UNC13C: variants seen among roughly 807,000 people sequenced by gnomAD.
UNC13C encodes the protein protein unc-13 homolog C.
A neutral mutation model predicts 245.4 loss-of-function variants in UNC13C; 174 were observed. The ratio of observed to expected loss-of-function variants is 0.71; its 90% CI spans 0.63 to 0.80. The LOEUF is 0.80. UNC13C is among the 30% of genes least tolerant of loss of function. UNC13C has a pLI of 0.00. For missense variants in UNC13C, 2,829 were observed against 2,602.9 expected, an observed-to-expected ratio of 1.09 and a Z score of -1.89; for synonymous variants, 992 against 895.1, an observed-to-expected ratio of 1.11 and a Z score of -1.93.
rs573970705 is a variant in UNC13C at position 54,298,464 on chromosome 15, CCTGTTT to C, written c.4104+542_4104+547del. Among the ~76,000 whole-genome samples, 7 of 152,230 alleles carry C rather than the reference CCTGTTT, an allele frequency of 4.6e-5. No individual in the cohort carries two copies. In the South Asian group the frequency reaches 8.3e-4, roughly 18 times the overall value. ...ATGTAATAAGCAGTTAATTTTTCTT[CCTGTTT>C]CTGAGTACAACAAGCAGTTTCATAC... On this transcript the variant is annotated intron_variant, in intron 12 of 32. Transcript: ENST00000260323.
intron 21 of UNC13C, among the ~76,000 whole-genome samples, 174 bp from the exon 22 acceptor site, chr15:54,500,661 C>G (rs763294864): frequency 3.3e-5 from 5 of 152,102 alleles, no homozygotes; most frequent in Admixed American, 2.6e-4. Context: ...GATATTAGTT[C>G]CACCACACTT....
At chr15:54,381,459 T>G (rs2039723138) in intron 17 of UNC13C, among the ~76,000 whole-genome samples, 1 of 152,134 alleles carries the variant, frequency 6.6e-6, no homozygotes. Flanking sequence ...TTCATACAAA[T>G]TTTAGGATCG....
intron 4 of UNC13C, among the ~76,000 whole-genome samples, chr15:54,174,828 A>G (rs1170915204): frequency 6.6e-6 from 1 of 152,228 alleles, no homozygotes; most frequent in Non-Finnish European, 1.5e-5. Flanking sequence ...TGTACTGATT[A>G]AAGCAGGTAA....
chr15:54,089,518 T>TCTGTCATCGTATGTGC (rs1899441389), intron 2 of UNC13C, among the ~76,000 whole-genome samples: 1 of 152,140 alleles, frequency 6.6e-6, no homozygotes, highest in African/African-American at 2.4e-5. Context: ...TGAGTATGTG[T>TCTGTCATCGTATGTGC]CTGTCATCGT....
At chr15:54,192,014 A>T (rs1277232174) in intron 4 of UNC13C, among the ~76,000 whole-genome samples, 3 of 152,028 alleles carry the variant, frequency 2.0e-5, no homozygotes, top group Non-Finnish European at 4.4e-5. Context: ...ATCCACTCTG[A>T]TGAAGCTGTG....
intron 4 of UNC13C, among the ~76,000 whole-genome samples, chr15:54,171,917 T>C (rs547432610): frequency 6.6e-6 from 1 of 152,244 alleles, no homozygotes; most frequent in South Asian, 2.1e-4. Context: ...TGGAGTATTA[T>C]TGAGCCATGA....
intron 19 of UNC13C, among the ~76,000 whole-genome samples, chr15:54,444,862 A>C (rs2140995977): frequency 6.6e-6 from 1 of 152,066 alleles, no homozygotes; most frequent in African/African-American, 2.4e-5. Context: ...CATATGTACA[A>C]CGTGCAGGTT....
At chr15:53,860,633 G>A in the UNC13C span, among the ~76,000 whole-genome samples, 15 of 152,122 alleles carry the variant, frequency 9.9e-5, no homozygotes, top group Non-Finnish European at 2.2e-4. Context: ...AGGAGTCTTT[G>A]CCTCTCCAAG....
chr15:54,303,770 A>G (rs986830720), intron 13 of UNC13C, among the ~76,000 whole-genome samples: 4 of 152,024 alleles, frequency 2.6e-5, no homozygotes, highest in African/African-American at 7.2e-5. Flanking sequence ...TTAGGGAGAC[A>G]TGAGACATTA....
chr15:54,463,855 T>C (rs978288146), intron 19 of UNC13C, among the ~76,000 whole-genome samples: 1 of 152,008 alleles, frequency 6.6e-6, no homozygotes, highest in East Asian at 1.9e-4. Context: ...TTGTTGGTAA[T>C]GACATGACAG....
At chr15:54,106,817 T>C (rs1477673461) in intron 2 of UNC13C, among the ~76,000 whole-genome samples, 4 of 152,212 alleles carry the variant, frequency 2.6e-5, no homozygotes, top group South Asian at 4.1e-4. Flanking sequence ...GAACACTGAA[T>C]TGAAGGTGGC....
At chr15:54,238,208 GGGACTACAGGTGCTT>G (rs1168949664) in intron 7 of UNC13C, among the ~76,000 whole-genome samples, 2 of 150,944 alleles carry the variant, frequency 1.3e-5, no homozygotes, top group Admixed American at 6.6e-5. Flanking sequence ...CCTAGTAGCT[GGGACTACAGGTGCTT>G]GCCACCATGC....
At chr15:54,489,228 C>T (rs1172672825) in intron 19 of UNC13C, among the ~76,000 whole-genome samples, 1 of 151,966 alleles carries the variant, frequency 6.6e-6, no homozygotes, top group African/African-American at 2.4e-5. Context: ...CATTAACTAC[C>T]CAGAATGTAA....
rs550538841 is a variant in UNC13C at position 54,397,388 on chromosome 15, T to C, written c.4847+4207T>C. Reference sequence around the variant, plus strand: ...TTGTAATCTGTTCCACTGATCTATATAGCCGTAATTACACCAGTACTGCAT... The same window carrying C: ...TTGTAATCTGTTCCACTGATCTATACAGCCGTAATTACACCAGTACTGCAT... On this transcript the variant is annotated intron_variant, in intron 18 of 32. Transcript: ENST00000260323. 6.6e-5 allele frequency among the ~76,000 whole-genome samples: 10 copies of C among 151,678 alleles called. No individual in the cohort carries two copies. In the South Asian group the frequency reaches 2.1e-3, roughly 31 times the overall value.
At chr15:54,144,258 T>C (rs533321939) in intron 4 of UNC13C, among the ~76,000 whole-genome samples, 9 of 152,238 alleles carry the variant, frequency 5.9e-5, no homozygotes, top group East Asian at 3.9e-4. Context: ...GTGGCATGAA[T>C]GTTCATAGGC....
chr15:54,315,485 T>G (rs561842956), intron 13 of UNC13C, among the ~76,000 whole-genome samples: 10 of 151,668 alleles, frequency 6.6e-5, no homozygotes, highest in Non-Finnish European at 1.2e-4. Flanking sequence ...GTCTCAATTA[T>G]AGAATTTACT....
At chr15:54,263,448 T>C (rs1041600146) in intron 8 of UNC13C, among the ~76,000 whole-genome samples, 1 of 152,128 alleles carries the variant, frequency 6.6e-6, no homozygotes, top group African/African-American at 2.4e-5. Flanking sequence ...TAGAAATCTC[T>C]CACTGACAGA....
In UNC13C at chr15:54,477,790, C is replaced by T. The variant is rs371065476; in HGVS notation, c.4934-16818C>T. Among the ~76,000 whole-genome samples the T allele has an allele frequency of 3.8e-4, 54 of 142,498 alleles. No individual in the cohort carries two copies. The East Asian group carries it at 5.9e-3, about 15-fold the overall frequency. 93.5% of individuals were successfully genotyped at this position (142,498 alleles called of 152,430 possible). The stretch of plus-strand genomic sequence containing the variant: ...ATTCTCTTTTTTGGTTGTGTCTCTG[C>T]CCGGCTTTGGTATCAGGATGATGCT... On this transcript the variant is annotated intron_variant, in intron 19 of 32. Coordinates refer to ENST00000260323, the MANE Select transcript of UNC13C (RefSeq NM_001080534.3).
chr15:54,373,306 T>A (rs996290449), intron 17 of UNC13C, among the ~76,000 whole-genome samples: 13 of 152,304 alleles, frequency 8.5e-5, no homozygotes, highest in Admixed American at 7.8e-4. Context: ...AGTGGCACCT[T>A]TGCCTGAGTT....
Sources: gnomAD v4.1 joint callset for allele counts (sites outside exome capture counted in the v4.1 genomes callset) on GRCh38, gnomAD v4.1.1 for gene constraint, MANE v1.5 for transcripts, NCBI Gene and HGNC (gene_info 2026-07-23, HGNC 2026-07-21) for gene names.